Variants in B3GALT1 observed in about 807,000 individuals in gnomAD.
The protein encoded by B3GALT1 is UDP-Gal:betaGlcNAc beta 1,3-galactosyltransferase, polypeptide 1.
B3GALT1 carries 10 observed loss-of-function variants against 23.2 expected under a neutral mutation model. That is an observed-to-expected ratio of 0.43 (90% CI 0.27 to 0.73). The LOEUF is 0.73. Among genes scored for constraint, B3GALT1 ranks in the 30% least tolerant of loss-of-function variants. The pLI is 0.21. For synonymous variants in B3GALT1, 156 were observed against 141.5 expected, an observed-to-expected ratio of 1.10 and a Z score of -0.73; for missense variants, 299 against 405.4, an observed-to-expected ratio of 0.74 and a Z score of 2.25.
At chr2:167,504,981 A>G (rs924456332) in intron 2 of B3GALT1, among the ~76,000 whole-genome samples, 11 of 152,220 alleles carry the variant, frequency 7.2e-5, no homozygotes, top group Middle Eastern at 3.2e-3. Flanking sequence ...ATGTACAGCC[A>G]TAAAAGAGAA....
chr2:167,455,020 T>C (rs747420398), intron 1 of B3GALT1, among the ~76,000 whole-genome samples: 15 of 152,172 alleles, frequency 9.9e-5, no homozygotes, highest in Non-Finnish European at 1.5e-4. Flanking sequence ...ATGTTTAAAA[T>C]GCCAAGCCTT....
intron 3 of B3GALT1, among the ~76,000 whole-genome samples, chr2:167,675,467 A>G (rs373305491): frequency 2.7e-4 from 41 of 152,352 alleles, no homozygotes; most frequent in African/African-American, 9.9e-4. Flanking sequence ...TCGGAGCAGG[A>G]CAGTGGTGAC....
intron 2 of B3GALT1, among the ~76,000 whole-genome samples, chr2:167,598,262 G>A (rs1419022803): frequency 6.6e-6 from 1 of 152,014 alleles, no homozygotes; most frequent in Non-Finnish European, 1.5e-5. Flanking sequence ...GATTGTGTGT[G>A]TGTGTGAGAG....
chr2:167,779,978 G>C (rs1171342204), intron 3 of B3GALT1, among the ~76,000 whole-genome samples: 2 of 152,186 alleles, frequency 1.3e-5, no homozygotes. Flanking sequence ...ATGTCAATGT[G>C]AATGTTAGAA....
intron 4 of B3GALT1, among the ~76,000 whole-genome samples, chr2:167,865,393 A>G (rs1690191690): frequency 6.6e-6 from 1 of 152,102 alleles, no homozygotes; most frequent in Non-Finnish European, 1.5e-5. Context: ...ACAGAGTGAG[A>G]CTCCATCTCA....
intron 1 of B3GALT1, among the ~76,000 whole-genome samples, chr2:167,374,409 T>C (rs886466015): frequency 6.6e-6 from 1 of 152,230 alleles, no homozygotes; most frequent in Non-Finnish European, 1.5e-5. Context: ...GAATAGTAGT[T>C]CTGTTTTAAG....
intron 1 of B3GALT1, among the ~76,000 whole-genome samples, chr2:167,390,584 T>G (rs1023199748): frequency 6.6e-6 from 1 of 152,234 alleles, no homozygotes; most frequent in African/African-American, 2.4e-5. Flanking sequence ...AATTCTGATA[T>G]GCCCTTTCTC....
chr2:167,582,251 C>T (rs1439522024), intron 2 of B3GALT1, among the ~76,000 whole-genome samples: 14 of 151,960 alleles, frequency 9.2e-5, no homozygotes. Flanking sequence ...TCAAACTCAC[C>T]CTGAAGCAAA....
At chr2:167,470,651 C>G (rs76499074) in intron 1 of B3GALT1, among the ~76,000 whole-genome samples, 1 of 151,762 alleles carries the variant, frequency 6.6e-6, no homozygotes, top group Non-Finnish European at 1.5e-5. Flanking sequence ...TGAGATTGTC[C>G]CACCCCCATA....
At chr2:167,632,307 C>G (rs1209739560) in intron 2 of B3GALT1, among the ~76,000 whole-genome samples, 1 of 152,042 alleles carries the variant, frequency 6.6e-6, no homozygotes, top group Non-Finnish European at 1.5e-5. Flanking sequence ...CAGGTATATA[C>G]CCAGTGATGG....
At chr2:167,345,302 A>G (rs1287800920) in intron 1 of B3GALT1, among the ~76,000 whole-genome samples, 1 of 152,090 alleles carries the variant, frequency 6.6e-6, no homozygotes, top group Admixed American at 6.5e-5. Flanking sequence ...GTTAATTTTC[A>G]TCTGTGAGTC....
chr2:167,431,016 T>C (rs1241880528), intron 1 of B3GALT1, among the ~76,000 whole-genome samples: 5 of 152,190 alleles, frequency 3.3e-5, no homozygotes, highest in African/African-American at 1.2e-4. Context: ...ATTTTTATAT[T>C]TGGACAACAG....
At chr2:167,700,635 C>CA (rs1332464831) in intron 3 of B3GALT1, among the ~76,000 whole-genome samples, 2 of 152,046 alleles carry the variant, frequency 1.3e-5, no homozygotes, top group African/African-American at 4.8e-5. Context: ...TGCTATATCT[C>CA]AAATAGTTTC....
At chr2:167,631,020 G>A (rs1574178465) in intron 2 of B3GALT1, among the ~76,000 whole-genome samples, 1 of 123,460 alleles carries the variant, frequency 8.1e-6, no homozygotes, top group East Asian at 2.9e-4. Flanking sequence ...GTAAAAAAAA[G>A]GGGGGGGAAT....
Position 167,869,147 on chromosome 2 carries a change from A to G in B3GALT1, c.108A>G (p.Lys36=). The part of the protein sequence containing the change: ...TRPTSSYTGS[K]PFSHLTVARK... ...CTACTTCTTCTTACACTGGCTCCAA[A>G]CCATTCAGCCACCTAACAGTTGCCA... Residue 36 remains lysine (K), a synonymous_variant, in exon 5 of 5, where the codon AAA becomes AAG. Coordinates refer to ENST00000392690, the MANE Select transcript of B3GALT1 (RefSeq NM_020981.4). This position sits in a 1 kb window ranked among gnomAD's most constrained non-coding sequence, Gnocchi z 6.4. 1 of 1,614,128 alleles carries G rather than the reference A, an allele frequency of 6.2e-7. No homozygotes were observed. Among genetic ancestry groups the G allele is most frequent in the Non-Finnish European group, 8.5e-7 (1 of 1,180,030 alleles).
At chr2:167,333,867 A>G (rs1177762256) in intron 1 of B3GALT1, among the ~76,000 whole-genome samples, 2 of 152,176 alleles carry the variant, frequency 1.3e-5, no homozygotes, top group Non-Finnish European at 2.9e-5. Context: ...CTTAGAGAAA[A>G]AACAACCTGT....
At chr2:167,666,037 T>A (rs1253849993) in intron 3 of B3GALT1, among the ~76,000 whole-genome samples, 1 of 152,230 alleles carries the variant, frequency 6.6e-6, no homozygotes, top group East Asian at 1.9e-4. Context: ...CTTTTCCAAT[T>A]CTTTTAATTG....
At chr2:167,681,867 G>C (rs1686536666) in intron 3 of B3GALT1, among the ~76,000 whole-genome samples, 1 of 152,196 alleles carries the variant, frequency 6.6e-6, no homozygotes, top group African/African-American at 2.4e-5. Context: ...GCTGTTTTCA[G>C]AACAATGAAG....
At chr2:167,638,170 G>A (rs1685590925) in intron 2 of B3GALT1, among the ~76,000 whole-genome samples, 1 of 151,934 alleles carries the variant, frequency 6.6e-6, no homozygotes, top group Admixed American at 6.6e-5. Context: ...ATGAATTTTA[G>A]TTAATCAATT....
Sources: gnomAD v4.1 joint callset for allele counts (sites outside exome capture counted in the v4.1 genomes callset) on GRCh38, gnomAD v4.1.1 for gene constraint, Gnocchi (gnomAD v3.1) non-coding constraint, MANE v1.5 for transcripts, NCBI Gene and HGNC (gene_info 2026-07-23, HGNC 2026-07-21) for gene names.